Variants in SLCO4A1 observed in about 807,000 individuals in gnomAD.
The protein encoded by SLCO4A1 is colon organic anion transporter.
SLCO4A1 carries 51 observed loss-of-function variants against 64.6 expected under a neutral mutation model. The observed-to-expected ratio is 0.79, with a 90% CI of 0.63 to 1.00. The LOEUF (loss-of-function observed/expected upper bound fraction) is 1.00. Ranked by LOEUF, SLCO4A1 falls within the 50% of genes least tolerant of loss-of-function variation. SLCO4A1 has a pLI of 0.00. For missense variants in SLCO4A1, 919 were observed against 980.5 expected, an observed-to-expected ratio of 0.94 and a Z score of 0.84; for synonymous variants, 471 against 444.9, an observed-to-expected ratio of 1.06 and a Z score of -0.74.
Position 62,656,922 on chromosome 20 carries a change from C to T in SLCO4A1, c.468C>T (p.Cys156=), listed in dbSNP as rs764362679. The T allele has an allele frequency of 2.4e-5, 38 of 1,566,642 alleles. No individual in the cohort carries two copies. The highest frequency in any genetic ancestry group is 1.7e-4 in the Middle Eastern group (1 of 5,880). The change falls in exon 2 of 12, where the codon TGC becomes TGT. Residue 156 remains cysteine, a synonymous_variant. Coordinates refer to ENST00000217159, the MANE Select transcript of SLCO4A1 (RefSeq NM_016354.4). Reference sequence around the variant, plus strand: ...CCTACGACATTGCCGCCTGCCTCTGCCTCACCTTCGTCAGCTACTTCGGGG... The same window carrying T: ...CCTACGACATTGCCGCCTGCCTCTGTCTCACCTTCGTCAGCTACTTCGGGG... ...ASSYDIAACL[C]LTFVSYFGGS... is the part of the protein sequence containing the mutation.
intron 11 of SLCO4A1, among the ~76,000 whole-genome samples, chr20:62,671,291 G>A (rs369335586): frequency 2.8e-4 from 43 of 152,178 alleles, no homozygotes; most frequent in Middle Eastern, 6.8e-3. Flanking sequence ...GGCTCCTTCC[G>A]CCGCTCTGGC....
At position 62,671,738 on chromosome 20, in the gene SLCO4A1, C is replaced by T; in HGVS notation, c.2026-12C>T. ...GCTCCCCACGAGGTCCAGCGGGCTC[C>T]TCTCTCCCCAGGTGCTGGGCGTCCT... is the stretch of plus-strand genomic sequence containing the variant. On this transcript the variant is annotated splice_polypyrimidine_tract_variant and intron_variant, in intron 11 of 11. Coordinates refer to ENST00000217159, the MANE Select transcript of SLCO4A1 (RefSeq NM_016354.4). The T allele has an allele frequency of 6.2e-7, 1 of 1,610,730 alleles. No individual in the cohort carries two copies. The highest frequency in any genetic ancestry group is 1.1e-5 in the South Asian group (1 of 91,028).
Position 62,642,833 on chromosome 20 carries a change from G to T in SLCO4A1, c.-97+280G>T, listed in dbSNP as rs572827142. 3.0e-3 allele frequency among the ~76,000 whole-genome samples: 457 copies of T among 152,334 alleles called. 3 individuals carry two copies. The highest frequency in any genetic ancestry group is 0.011 in the African/African-American group (448 of 41,580). ...GAGGACCGAGGCGAAGGGGCCCCAC[G>T]CTGCAGCGGGTGCCGGGGGGAAGCG... On this transcript the variant is annotated intron_variant, in intron 1 of 11. Transcript: ENST00000217159.
downstream of SLCO4A1, among the ~76,000 whole-genome samples, chr20:62,673,451 G>A (rs185881689): frequency 3.4e-4 from 49 of 143,668 alleles, 2 homozygotes; most frequent in East Asian, 1.2e-3. Context: ...GGGCAGTGCC[G>A]GCTTCCAGTG....
At chr20:62,687,919 G>A (rs1303178796), downstream of SLCO4A1, among the ~76,000 whole-genome samples, 4 of 152,128 alleles carry the variant, frequency 2.6e-5, no homozygotes, top group Non-Finnish European at 5.9e-5. Context: ...CTCACCTCCC[G>A]GCCATGTCCT....
chr20:62,670,698 A>AC (rs1241508401), intron 11 of SLCO4A1, among the ~76,000 whole-genome samples: 2 of 152,210 alleles, frequency 1.3e-5, no homozygotes, highest in African/African-American at 4.8e-5. Flanking sequence ...AGAGCCCTCC[A>AC]CACGCAGCCA....
Position 62,645,897 on chromosome 20 carries a change from C to T in SLCO4A1, c.-97+3344C>T, listed in dbSNP as rs1981237479. Among the ~76,000 whole-genome samples, 1 of 152,114 alleles carries T rather than the reference C, an allele frequency of 6.6e-6. No homozygotes were observed. Among genetic ancestry groups the T allele is most frequent in the Non-Finnish European group, 1.5e-5 (1 of 68,014 alleles). ...CCTCTGGCCCAAGCCGCAGGGAGAGCTTGCGATGCTTTGGGTGGCGTGTGT... is the reference window on the plus strand; with the variant it reads ...CCTCTGGCCCAAGCCGCAGGGAGAGTTTGCGATGCTTTGGGTGGCGTGTGT... On this transcript the variant is annotated intron_variant, in intron 1 of 11. Coordinates refer to ENST00000217159, the MANE Select transcript of SLCO4A1 (RefSeq NM_016354.4). This position sits in a 1 kb window ranked among gnomAD's most constrained non-coding sequence, Gnocchi z 4.2.
At chr20:62,671,718 CCA>C in intron 11 of SLCO4A1, 30 bp from the exon 12 acceptor site, 1 of 1,602,652 alleles carries the variant, frequency 6.2e-7, no homozygotes, top group Non-Finnish European at 8.5e-7. Context: ...GCCGAGCTCC[CCA>C]CGAGGTCCAG....
downstream of SLCO4A1, among the ~76,000 whole-genome samples, chr20:62,687,510 A>C (rs558166986): frequency 2.6e-4 from 40 of 152,382 alleles, no homozygotes; most frequent in East Asian, 7.5e-3. Context: ...TCTGAGGAGC[A>C]CTTGGCACCC....
intron 2 of SLCO4A1, among the ~76,000 whole-genome samples, chr20:62,679,582 C>T (rs374738801): frequency 1.9e-4 from 29 of 152,222 alleles, no homozygotes; most frequent in African/African-American, 6.3e-4. Flanking sequence ...AGGCTCGTTT[C>T]GAACTCCTGA....
chr20:62,674,989 C>T (rs781450023), downstream of SLCO4A1, among the ~76,000 whole-genome samples: 6 of 152,158 alleles, frequency 3.9e-5, no homozygotes, highest in African/African-American at 1.2e-4. Flanking sequence ...GCCGAGCTGA[C>T]GGAGGCTGTA....
downstream of SLCO4A1, among the ~76,000 whole-genome samples, chr20:62,687,582 A>G (rs1296301920): frequency 6.6e-6 from 1 of 152,230 alleles, no homozygotes; most frequent in Non-Finnish European, 1.5e-5. Flanking sequence ...CCTCTGAGCC[A>G]GAGAGGGGGA....
chr20:62,644,513 C>G lies in SLCO4A1; in HGVS notation c.-97+1960C>G, dbSNP rs1419201586. 1.3e-5 allele frequency among the ~76,000 whole-genome samples: 2 copies of G among 152,222 alleles called. No individual in the cohort carries two copies. Among genetic ancestry groups the G allele is most frequent in the Admixed American group, 1.3e-4 (2 of 15,288 alleles). On this transcript the variant is annotated intron_variant, in intron 1 of 11. Coordinates refer to ENST00000217159, the MANE Select transcript of SLCO4A1 (RefSeq NM_016354.4). This position sits in a 1 kb window ranked among gnomAD's most constrained non-coding sequence, Gnocchi z 5.4. ...GGGTGGCCAGGTGGATGGACATGCT[C>G]TCCTTGCTAGACTAAGCCCAGAGAG...
chr20:62,668,023 C>T lies in SLCO4A1; in HGVS notation c.1650C>T (p.Asp550=), dbSNP rs767617034. ...TNVDGQKVYR[D]CSCIPQNLSS... is the part of the protein sequence containing the mutation. ...GTTGGGCTTCCCAGGTGTACCGAGA[C>T]TGTAGCTGTATCCCTCAGAATCTTT... The change falls in exon 9 of 12, where the codon GAC becomes GAT. Residue 550 remains aspartate (D), a synonymous_variant. Transcript: ENST00000217159. The T allele has an allele frequency of 6.2e-6, 10 of 1,614,100 alleles. No individual in the cohort carries two copies. Among genetic ancestry groups the T allele is most frequent in the Non-Finnish European group, 7.6e-6 (9 of 1,180,048 alleles).
chr20:62,664,626 G>A (rs1985727988), intron 5 of SLCO4A1, among the ~76,000 whole-genome samples: 1 of 152,282 alleles, frequency 6.6e-6, no homozygotes, highest in African/African-American at 2.4e-5. Flanking sequence ...GGACAAGTGG[G>A]CCACAGGCAT....
In SLCO4A1 at chr20:62,661,698, T is replaced by TC. The variant is rs34701672; in HGVS notation, c.1121+529dup. ...CCCTCCCTCAGAGTCTCTGAGGACC[T>TC]CCCCCCTCTACCCGGCGTGTCCCGC... On this transcript the variant is annotated intron_variant, in intron 5 of 11. Coordinates refer to ENST00000217159, the MANE Select transcript of SLCO4A1 (RefSeq NM_016354.4). This position sits in a 1 kb window ranked among gnomAD's most constrained non-coding sequence, Gnocchi z 5.2. 4.1e-5 allele frequency among the ~76,000 whole-genome samples: 6 copies of TC among 147,156 alleles called. No homozygotes were observed. Among genetic ancestry groups the TC allele is most frequent in the African/African-American group, 1.5e-4 (6 of 39,354 alleles).
Position 62,669,124 on chromosome 20 carries a change from C to T in SLCO4A1, c.2025+46C>T, listed in dbSNP as rs572362207. The T allele has an allele frequency of 2.3e-4, 370 of 1,578,942 alleles. 2 individuals are homozygous for T. In the South Asian group the frequency reaches 3.8e-3, roughly 16 times the overall value. Reference sequence around the variant, plus strand: ...GACAGAGGGTCTGCTCTGAGGGTGGCTGGGGGCTCCGAACATGCCGCGATC... The same window carrying T: ...GACAGAGGGTCTGCTCTGAGGGTGGTTGGGGGCTCCGAACATGCCGCGATC... On this transcript the variant is annotated intron_variant, in intron 11 of 11. Coordinates refer to ENST00000217159, the MANE Select transcript of SLCO4A1 (RefSeq NM_016354.4).
At chr20:62,648,730 G>C (rs1601608470) in intron 1 of SLCO4A1, among the ~76,000 whole-genome samples, 1 of 152,162 alleles carries the variant, frequency 6.6e-6, no homozygotes, top group African/African-American at 2.4e-5. Context: ...TGCTGTCAGA[G>C]CCTCCTCCCT....
At chr20:62,684,190 G>T (rs1987968940) in intron 2 of SLCO4A1, among the ~76,000 whole-genome samples, 1 of 152,110 alleles carries the variant, frequency 6.6e-6, no homozygotes, top group Non-Finnish European at 1.5e-5. Flanking sequence ...GAGGTCCAGG[G>T]GCATGTGGCA....
Sources: allele counts gnomAD v4.1 joint callset (sites outside exome capture counted in the v4.1 genomes callset), GRCh38; gene constraint gnomAD v4.1.1; non-coding constraint Gnocchi (gnomAD v3.1); transcripts MANE v1.5; gene names NCBI Gene and HGNC (gene_info 2026-07-23, HGNC 2026-07-21).